DIS3L2: variants seen among roughly 807,000 people sequenced by gnomAD.
DIS3L2 encodes DIS3 like 3'-5' exoribonuclease 2.
A neutral mutation model predicts 97.5 loss-of-function variants in DIS3L2; 34 were observed. The observed-to-expected ratio is 0.35, with a 90% CI of 0.27 to 0.46. DIS3L2 has a LOEUF of 0.46. DIS3L2 is among the 20% of genes least tolerant of loss of function. The pLI is 1.00. For synonymous variants in DIS3L2, 435 were observed against 445.2 expected (o/e 0.98, Z 0.29); for missense variants, 1,038 against 1,146.0 (o/e 0.91, Z 1.36).
chr2:232,104,459 A>G (rs1697298628), intron 6 of DIS3L2, among the ~76,000 whole-genome samples: 1 of 152,172 alleles, frequency 6.6e-6, no homozygotes, highest in African/African-American at 2.4e-5. Context: ...AGCAATTTTT[A>G]AGTGTACAAT....
chr2:232,029,824 G>A (rs1694754020), intron 4 of DIS3L2, among the ~76,000 whole-genome samples, 155 bp from the exon 5 acceptor site: 1 of 151,906 alleles, frequency 6.6e-6, no homozygotes, highest in South Asian at 2.1e-4. Flanking sequence ...AATTCATTTA[G>A]TATTAAAAAG....
chr2:232,039,554 T>C (rs889914224), intron 5 of DIS3L2, among the ~76,000 whole-genome samples: 3 of 152,140 alleles, frequency 2.0e-5, no homozygotes, highest in Non-Finnish European at 4.4e-5. Flanking sequence ...TTTGGCAAAA[T>C]AGATAGCTGT....
intron 12 of DIS3L2, chr2:232,260,302 C>T (rs193229060): frequency 4.6e-4 from 70 of 152,348 alleles, no homozygotes; most frequent in Admixed American, 2.5e-3. Flanking sequence ...AGGTCATGGC[C>T]CTGTCATTCC....
intron 5 of DIS3L2, among the ~76,000 whole-genome samples, chr2:232,054,813 T>C (rs565597855): frequency 1.3e-5 from 2 of 152,266 alleles, no homozygotes; most frequent in African/African-American, 4.8e-5. Context: ...ATAAGAAAAT[T>C]GTAGGCAAAG....
At chr2:232,317,206 CT>C (rs1695301508) in intron 14 of DIS3L2, among the ~76,000 whole-genome samples, 1 of 152,188 alleles carries the variant, frequency 6.6e-6, no homozygotes, top group South Asian at 2.1e-4. Flanking sequence ...AAACAAGCCA[CT>C]TTTTATGCTA....
At chr2:232,175,550 G>A (rs541333394) in intron 9 of DIS3L2, among the ~76,000 whole-genome samples, 1 of 152,156 alleles carries the variant, frequency 6.6e-6, no homozygotes, top group East Asian at 1.9e-4. Context: ...GAAGAATTTG[G>A]GGTATAGTTT....
intron 9 of DIS3L2, among the ~76,000 whole-genome samples, chr2:232,190,567 GAGAGAGAGAAAGA>G (rs1302513309): frequency 1.3e-5 from 2 of 151,744 alleles, no homozygotes; most frequent in Non-Finnish European, 2.9e-5. Context: ...GATGAGATGA[GAGAGAGAGAAAGA>G]AGAGAGAGAG....
Position 232,046,661 on chromosome 2 carries a change from G to A in DIS3L2, c.366+16581G>A, listed in dbSNP as rs571843589. 2.6e-5 allele frequency among the ~76,000 whole-genome samples: 4 copies of A among 152,176 alleles called. 1 individual carries two copies. In the South Asian group the frequency reaches 8.3e-4, roughly 32 times the overall value. On this transcript the variant is annotated intron_variant, in intron 5 of 20. Coordinates refer to ENST00000325385, the MANE Select transcript of DIS3L2 (RefSeq NM_152383.5). Reference sequence around the variant, plus strand: ...CCCCTTCACCCCCTTCTCCAGTTAGGTCTAACAATTGAAGGATATATTGTT... The same window carrying A: ...CCCCTTCACCCCCTTCTCCAGTTAGATCTAACAATTGAAGGATATATTGTT...
chr2:232,339,498 G>A (rs745586474), downstream of DIS3L2, among the ~76,000 whole-genome samples: 5 of 152,250 alleles, frequency 3.3e-5, no homozygotes, highest in Non-Finnish European at 7.3e-5. Context: ...TCACGGGTGG[G>A]GATGGGCTTC....
At chr2:232,246,174 G>A (rs1007816978) in intron 11 of DIS3L2, among the ~76,000 whole-genome samples, 1 of 152,186 alleles carries the variant, frequency 6.6e-6, no homozygotes, top group Non-Finnish European at 1.5e-5. Flanking sequence ...GACTGTGTAG[G>A]ATGGCCCCAA....
chr2:232,000,862 C>T lies in DIS3L2; in HGVS notation c.-93-13973C>T, dbSNP rs114101836. Reference sequence around the variant, plus strand: ...GACTACAGGCATGAGCCACTGTACCCGGCTTCCTTTTTTTTTTGTTTGTTT... The same window carrying T: ...GACTACAGGCATGAGCCACTGTACCTGGCTTCCTTTTTTTTTTGTTTGTTT... On this transcript the variant is annotated intron_variant, in intron 1 of 20. Coordinates refer to ENST00000325385, the MANE Select transcript of DIS3L2 (RefSeq NM_152383.5). 4.2e-3 allele frequency among the ~76,000 whole-genome samples: 628 copies of T among 150,852 alleles called. 1 individual carries two copies. Among genetic ancestry groups the T allele is most frequent in the African/African-American group, 0.015 (608 of 41,176 alleles).
At chr2:232,319,343 C>T (rs1377883521) in intron 14 of DIS3L2, among the ~76,000 whole-genome samples, 2 of 152,244 alleles carry the variant, frequency 1.3e-5, no homozygotes, top group Non-Finnish European at 2.9e-5. Flanking sequence ...TGCAAATGAC[C>T]ATTTGACAGT....
chr2:232,014,264 G>A (rs80303482), intron 1 of DIS3L2, among the ~76,000 whole-genome samples: 533 of 152,318 alleles, frequency 3.5e-3, no homozygotes, highest in African/African-American at 0.012. Flanking sequence ...GGGAAGAGAC[G>A]TCTAATTACA....
chr2:232,308,120 C>T (rs560541475), intron 14 of DIS3L2, among the ~76,000 whole-genome samples: 3 of 152,352 alleles, frequency 2.0e-5, no homozygotes, highest in Non-Finnish European at 4.4e-5. Flanking sequence ...AGGCCAGTCA[C>T]GCTGCTTGGC....
At position 232,330,593 on chromosome 2, in the gene DIS3L2, C is replaced by A. The variant is rs867025190; in HGVS notation, c.1924-97C>A. 1.3e-4 allele frequency: 172 copies of A among 1,323,976 alleles called. 1 individual carries two copies. In the Middle Eastern group the frequency reaches 5.9e-3, roughly 45 times the overall value. 82.0% of individuals were successfully genotyped at this position (1,323,976 alleles called of 1,614,324 possible). A position where few individuals can be genotyped will look rare whatever the true frequency, so the allele number is the denominator to read the frequency against. The stretch of plus-strand genomic sequence containing the variant: ...TGAGCCCCACAGGCAACTCCTCCCC[C>A]CAGAGCCGGGCATGAGGTGCTCAGC... On this transcript the variant is annotated intron_variant, in intron 15 of 20. Coordinates refer to ENST00000325385, the MANE Select transcript of DIS3L2 (RefSeq NM_152383.5).
chr2:232,329,962 T>A lies in DIS3L2; in HGVS notation c.1889T>A (p.Leu630Gln). Residue 630 changes from leucine to glutamine, a missense_variant, in exon 15 of 21, where the codon CTG (leucine) becomes CAG (glutamine). Transcript: ENST00000325385. ...DLVEFCDQMG[L>Q]PVDFSSAGAL... ...GTGGAATTCTGCGACCAGATGGGGCTGCCCGTGGACTTCAGCTCCGCAGGA... is the reference window on the plus strand; with the variant it reads ...GTGGAATTCTGCGACCAGATGGGGCAGCCCGTGGACTTCAGCTCCGCAGGA... The A allele has an allele frequency of 6.2e-7, 1 of 1,612,822 alleles. No homozygotes were observed. Among genetic ancestry groups the A allele is most frequent in the East Asian group, 2.2e-5 (1 of 44,830 alleles).
chr2:232,329,785 T>TGCCGGGGGGGACC, intron 14 of DIS3L2, 28 bp from the exon 15 acceptor site: 1 of 967,142 alleles, frequency 1.0e-6, no homozygotes, highest in Non-Finnish European at 1.5e-6. Context: ...ACCCCAGCGG[T>TGCCGGGGGGGACC]CCCTCCCATC....
intron 10 of DIS3L2, among the ~76,000 whole-genome samples, chr2:232,236,172 C>T (rs188786201): frequency 2.8e-4 from 42 of 152,198 alleles, no homozygotes; most frequent in Middle Eastern, 3.4e-3. Context: ...GCCTGAACCC[C>T]TTTTTTCAAG....
intron 5 of DIS3L2, among the ~76,000 whole-genome samples, chr2:232,083,277 A>AC (rs60496520): frequency 7.3e-6 from 1 of 136,774 alleles, no homozygotes. Flanking sequence ...TACAATTTAT[A>AC]CCCCCCCCCC....
Sources: gnomAD v4.1 joint callset for allele counts (sites outside exome capture counted in the v4.1 genomes callset) on GRCh38, gnomAD v4.1.1 for gene constraint, MANE v1.5 for transcripts, NCBI Gene and HGNC (gene_info 2026-07-23, HGNC 2026-07-21) for gene names.